SNX18: variants seen among roughly 807,000 people sequenced by gnomAD.
SNX18 encodes the protein sorting nexin 18, also known as sorting nexin-18.
SNX18 carries 35 observed loss-of-function variants against 48.7 expected under a neutral mutation model. That is an observed-to-expected ratio of 0.72 (90% CI 0.55 to 0.95). SNX18 has a LOEUF of 0.95. SNX18 is among the 40% of genes least tolerant of loss of function. The pLI, the probability that SNX18 is intolerant of heterozygous loss-of-function variation, is 0.00. For missense variants in SNX18, 824 were observed against 871.0 expected (o/e 0.95, Z 0.68); for synonymous variants, 492 against 384.7 (o/e 1.28, Z -3.26).
chr5:54,592,180 G>T, the SNX18 span, among the ~76,000 whole-genome samples: 3 of 151,992 alleles, frequency 2.0e-5, no homozygotes, highest in African/African-American at 7.3e-5. Flanking sequence ...CTATACCCTC[G>T]CCTCCCACTT....
At chr5:54,587,699 A>C in the SNX18 span, among the ~76,000 whole-genome samples, 1 of 152,200 alleles carries the variant, frequency 6.6e-6, no homozygotes, top group African/African-American at 2.4e-5. Context: ...TATGATGTTG[A>C]AAACACCACC....
the SNX18 span, among the ~76,000 whole-genome samples, chr5:54,582,594 G>A: frequency 3.3e-4 from 50 of 151,708 alleles, no homozygotes; most frequent in African/African-American, 1.1e-3. Context: ...CAAGACCTCC[G>A]TTCTACTAAA....
chr5:54,555,826 C>CA, the SNX18 span, among the ~76,000 whole-genome samples: 1,656 of 84,836 alleles, frequency 0.02, 23 homozygotes, highest in African/African-American at 0.058. Context: ...GACCTTGTCT[C>CA]AAAAAAAAAA....
At chr5:54,564,477 C>T in the SNX18 span, among the ~76,000 whole-genome samples, 1 of 152,090 alleles carries the variant, frequency 6.6e-6, no homozygotes. Flanking sequence ...GATTAGTATA[C>T]ACTTGGTGGC....
intron 1 of SNX18, among the ~76,000 whole-genome samples, chr5:54,525,013 G>A (rs1186277849): frequency 6.6e-6 from 1 of 152,234 alleles, no homozygotes; most frequent in Non-Finnish European, 1.5e-5. Flanking sequence ...AGAAGCCGTG[G>A]GTGCAGAGCC....
At chr5:54,639,288 T>TA in the SNX18 span, among the ~76,000 whole-genome samples, 6 of 151,962 alleles carry the variant, frequency 3.9e-5, no homozygotes, top group African/African-American at 1.2e-4. Context: ...TATCATGTTT[T>TA]AAAAAAAAAT....
chr5:54,564,576 G>C, the SNX18 span, among the ~76,000 whole-genome samples: 2 of 152,196 alleles, frequency 1.3e-5, no homozygotes, highest in Non-Finnish European at 2.9e-5. Flanking sequence ...ATGTTGTTAG[G>C]CTGGGCGCAG....
the SNX18 span, among the ~76,000 whole-genome samples, chr5:54,585,384 A>G: frequency 6.7e-6 from 1 of 149,454 alleles, no homozygotes; most frequent in Non-Finnish European, 1.5e-5. Context: ...AATTGGCAAC[A>G]CAGAATCATG....
At chr5:54,602,672 G>T in the SNX18 span, among the ~76,000 whole-genome samples, 24 of 152,066 alleles carry the variant, frequency 1.6e-4, no homozygotes, top group African/African-American at 5.5e-4. Flanking sequence ...AAGAAAGGAA[G>T]GAATATACAA....
At position 54,518,027 on chromosome 5, in the gene SNX18, G is replaced by A. The variant is rs1234676234; in HGVS notation, c.75G>A (p.Glu25=). The A allele has an allele frequency of 5.8e-6, 9 of 1,549,104 alleles. No homozygotes were observed. The highest frequency in any genetic ancestry group is 7.8e-6 in the Non-Finnish European group (9 of 1,151,020). ...NPGEISLREH[E]VLSLCSEQDI... ...GAGAGATCTCGCTGCGAGAGCACGA[G>A]GTGCTGAGCCTGTGCAGCGAGCAGG... is the stretch of plus-strand genomic sequence containing the variant. The change falls in exon 1 of 2, where the codon GAG becomes GAA. Residue 25 remains glutamate (E), a synonymous_variant. Coordinates refer to ENST00000381410, the MANE Select transcript of SNX18 (RefSeq NM_001102575.2).
chr5:54,533,402 G>T (rs4865842), intron 1 of SNX18, among the ~76,000 whole-genome samples: 80,785 of 151,856 alleles, frequency 0.53, 21,569 homozygotes, highest in Non-Finnish European at 0.56. Flanking sequence ...AGGGTCTGGA[G>T]GTGGTTTGTG....
intron 1 of SNX18, among the ~76,000 whole-genome samples, chr5:54,527,579 A>G (rs1157637676): frequency 6.6e-6 from 1 of 152,236 alleles, no homozygotes; most frequent in Non-Finnish European, 1.5e-5. Flanking sequence ...GATCAGGCTC[A>G]TGCATTCTGC....
intron 1 of SNX18, among the ~76,000 whole-genome samples, chr5:54,534,532 G>C (rs1011495209): frequency 4.6e-5 from 7 of 152,044 alleles, no homozygotes; most frequent in African/African-American, 1.7e-4. Context: ...GGTTAAAATG[G>C]CTGAGGCAGT....
At chr5:54,640,280 C>G in the SNX18 span, among the ~76,000 whole-genome samples, 2 of 151,456 alleles carry the variant, frequency 1.3e-5, no homozygotes, top group South Asian at 4.2e-4. Flanking sequence ...GTAGCTCTAT[C>G]TCGGCTCACT....
At chr5:54,532,198 T>G (rs2112848588) in intron 1 of SNX18, among the ~76,000 whole-genome samples, 1 of 152,320 alleles carries the variant, frequency 6.6e-6, no homozygotes, top group African/African-American at 2.4e-5. Flanking sequence ...GAAAATAAGG[T>G]TTTACCTTTC....
the SNX18 span, among the ~76,000 whole-genome samples, chr5:54,571,840 G>A: frequency 6.6e-6 from 1 of 152,164 alleles, no homozygotes; most frequent in South Asian, 2.1e-4. Flanking sequence ...GTCTGAAGGT[G>A]CAGGGGTTTC....
the SNX18 span, among the ~76,000 whole-genome samples, chr5:54,572,066 C>T: frequency 7.5e-4 from 114 of 152,268 alleles, no homozygotes; most frequent in African/African-American, 2.7e-3. Flanking sequence ...GTGGGGCCAC[C>T]TGCTCAGCCC....
chr5:54,577,064 G>A, the SNX18 span, among the ~76,000 whole-genome samples: 1 of 152,218 alleles, frequency 6.6e-6, no homozygotes, highest in Non-Finnish European at 1.5e-5. Flanking sequence ...GCATCCCAAA[G>A]TGCTGGGATT....
chr5:54,564,050 G>A, the SNX18 span, among the ~76,000 whole-genome samples: 1 of 151,946 alleles, frequency 6.6e-6, no homozygotes, highest in South Asian at 2.1e-4. Flanking sequence ...GGAAGCTGAG[G>A]CAGGAGGATC....
Sources: allele counts gnomAD v4.1 joint callset (sites outside exome capture counted in the v4.1 genomes callset), GRCh38; gene constraint gnomAD v4.1.1; transcripts MANE v1.5; gene names NCBI Gene and HGNC (gene_info 2026-07-23, HGNC 2026-07-21).